NEBL: variants seen among roughly 807,000 people sequenced by gnomAD.
The protein encoded by NEBL is nebulette.
A neutral mutation model predicts 140.2 loss-of-function variants in NEBL; 122 were observed. The ratio of observed to expected loss-of-function variants is 0.87; its 90% CI spans 0.75 to 1.01. The LOEUF (loss-of-function observed/expected upper bound fraction) is 1.01, where lower values mean the gene tolerates loss of function less well. Among genes scored for constraint, NEBL ranks in the 50% least tolerant of loss-of-function variants. The pLI is 0.00. For missense variants in NEBL, 1,365 were observed against 1,231.3 expected (o/e 1.11, Z -1.62); for synonymous variants, 436 against 398.9 (o/e 1.09, Z -1.11).
intron 4 of NEBL, among the ~76,000 whole-genome samples, chr10:20,917,430 A>C (rs1833358982): frequency 6.6e-6 from 1 of 152,234 alleles, no homozygotes; most frequent in African/African-American, 2.4e-5. Flanking sequence ...CAACAGAAGC[A>C]AAGGGTAGAA....
intron 19 of NEBL, among the ~76,000 whole-genome samples, chr10:20,820,846 A>G (rs1839237231): frequency 6.6e-6 from 1 of 152,128 alleles, no homozygotes; most frequent in East Asian, 1.9e-4. Flanking sequence ...CAAAAATAAA[A>G]AAGAAAGAAA....
chr10:20,797,935 G>A (rs914060613), intron 26 of NEBL, among the ~76,000 whole-genome samples: 10 of 151,624 alleles, frequency 6.6e-5, no homozygotes, highest in East Asian at 5.8e-4. Flanking sequence ...AACCATCTCC[G>A]CAAAAAAACA....
chr10:21,030,487 G>A, intron 2 of NEBL: 1 of 781,722 alleles, frequency 1.3e-6, no homozygotes, highest in South Asian at 1.3e-5. Flanking sequence ...AAAAGGTAAT[G>A]CCAGCCCCTC....
chr10:21,142,675 C>T lies in NEBL; in HGVS notation c.164+29708G>A, dbSNP rs72796582. On this transcript the variant is annotated intron_variant, in intron 2 of 6. Transcript: ENST00000417816. ...ATAGACTATATCAGGGGCCCCCAAC[C>T]CCCAGGGCGGCAGACGGTATGGCGA... is the stretch of plus-strand genomic sequence containing the variant. Among the ~76,000 whole-genome samples, 627 of 152,244 alleles carry T rather than the reference C, an allele frequency of 4.1e-3. 2 individuals carry two copies. Among genetic ancestry groups the T allele is most frequent in the Non-Finnish European group, 7.1e-3 (481 of 68,020 alleles).
intron 14 of NEBL, among the ~76,000 whole-genome samples, chr10:20,832,348 AT>A (rs1230800344): frequency 1.3e-5 from 2 of 152,156 alleles, no homozygotes; most frequent in Non-Finnish European, 2.9e-5. Context: ...ACTATATCTC[AT>A]TATTTGAGTC....
Position 20,998,871 on chromosome 10 carries a change from C to T in NEBL, c.249+21246G>A, listed in dbSNP as rs573330862. ...GACTAACTTCTGTCAGTCTGATATA[C>T]GGATCATGAGGACTGTGAGATGACA... On this transcript the variant is annotated intron_variant, in intron 3 of 6. Transcript: ENST00000417816. 7.2e-5 allele frequency among the ~76,000 whole-genome samples: 11 copies of T among 152,166 alleles called. No individual in the cohort carries two copies. The South Asian group carries it at 1.9e-3, about 26-fold the overall frequency.
At chr10:20,937,758 G>A (rs556043904) in intron 4 of NEBL, among the ~76,000 whole-genome samples, 14 of 152,150 alleles carry the variant, frequency 9.2e-5, no homozygotes, top group Admixed American at 2.0e-4. Flanking sequence ...GCACTTTTCC[G>A]ACGGTTTTAG....
intron 3 of NEBL, among the ~76,000 whole-genome samples, chr10:20,985,963 C>T (rs111556747): frequency 1.6e-4 from 24 of 152,132 alleles, no homozygotes; most frequent in Non-Finnish European, 1.5e-4. Context: ...AGTTTAAAAA[C>T]ATATCCCTTT....
At chr10:21,152,788 T>C (rs1840193910) in intron 2 of NEBL, among the ~76,000 whole-genome samples, 1 of 152,236 alleles carries the variant, frequency 6.6e-6, no homozygotes, top group African/African-American at 2.4e-5. Flanking sequence ...TGAGTCAAGC[T>C]GTAGTCCAGA....
chr10:21,100,463 C>A (rs1309134765), intron 2 of NEBL, among the ~76,000 whole-genome samples: 1 of 152,170 alleles, frequency 6.6e-6, no homozygotes, highest in African/African-American at 2.4e-5. Flanking sequence ...CACTTTTGCA[C>A]CCTGTGTAAA....
At position 21,173,789 on chromosome 10, in the gene NEBL, G is replaced by C. The variant is rs769111338; in HGVS notation, c.45C>G (p.Thr15=). The C allele has an allele frequency of 1.2e-6, 2 of 1,612,980 alleles. No homozygotes were observed. Among genetic ancestry groups the C allele is most frequent in the East Asian group, 2.2e-5 (1 of 44,802 alleles). ...CCTTATCCAGGCAGTTGACTTTCTC[G>C]GTGGGATACACGACTTTTCCGCAAC... is the stretch of plus-strand genomic sequence containing the variant. The change falls in exon 1 of 7, where the codon ACC becomes ACG. Residue 15 remains threonine (T), a synonymous_variant. Transcript: ENST00000417816. The surrounding 1 kb of genome is among the most constrained non-coding windows in gnomAD (Gnocchi z 5.7).
intron 4 of NEBL, among the ~76,000 whole-genome samples, chr10:20,933,051 C>T (rs754663501): frequency 6.6e-6 from 1 of 151,574 alleles, no homozygotes; most frequent in African/African-American, 2.4e-5. Flanking sequence ...AATGCATGCA[C>T]AAGTTTGCAT....
At chr10:21,209,625 C>A (rs971152960) in intron 3 of NEBL, among the ~76,000 whole-genome samples, 2 of 151,150 alleles carry the variant, frequency 1.3e-5, no homozygotes, top group Admixed American at 1.3e-4. Flanking sequence ...TCTCCTATCT[C>A]CTGATACAAT....
chr10:21,058,001 T>C (rs1835108784), intron 2 of NEBL, among the ~76,000 whole-genome samples: 1 of 152,252 alleles, frequency 6.6e-6, no homozygotes, highest in Admixed American at 6.5e-5. Flanking sequence ...CCATCTATTT[T>C]TTCTGAGAGA....
At chr10:21,288,854 A>AT (rs369909277) in intron 1 of NEBL, among the ~76,000 whole-genome samples, 38 of 98,068 alleles carry the variant, frequency 3.9e-4, no homozygotes, top group African/African-American at 9.7e-4. Context: ...ATATATAAAA[A>AT]TTTTTTTTTT....
rs151326593 is a variant in NEBL, at chr10:20,801,929, C to T, written c.2761+6581G>A. Reference sequence around the variant, plus strand: ...CAGTTAAGGTAGGGCTAGGCCATCCCCATAAGACTCTCTCACAGCAAAATG... The same window carrying T: ...CAGTTAAGGTAGGGCTAGGCCATCCTCATAAGACTCTCTCACAGCAAAATG... On this transcript the variant is annotated intron_variant, in intron 26 of 27. Transcript: ENST00000377122. Among the ~76,000 whole-genome samples the T allele has an allele frequency of 7.2e-3, 1,089 of 152,206 alleles. 13 individuals are homozygous for T. The highest frequency in any genetic ancestry group is 0.025 in the African/African-American group (1,036 of 41,518).
chr10:21,254,738 G>T (rs561242377), intron 1 of NEBL, among the ~76,000 whole-genome samples: 1 of 152,232 alleles, frequency 6.6e-6, no homozygotes, highest in Non-Finnish European at 1.5e-5. Context: ...AATAGGTGAA[G>T]AGGAAGATTT....
intron 3 of NEBL, among the ~76,000 whole-genome samples, chr10:20,965,259 A>G (rs1836251709): frequency 6.6e-6 from 1 of 152,172 alleles, no homozygotes; most frequent in Non-Finnish European, 1.5e-5. Context: ...AACACACAAG[A>G]TCTATGTAGG....
At chr10:20,936,249 C>T (rs1033077133) in intron 4 of NEBL, among the ~76,000 whole-genome samples, 2 of 152,092 alleles carry the variant, frequency 1.3e-5, no homozygotes, top group African/African-American at 2.4e-5. Context: ...TTCCATTTTA[C>T]AGATGTGGAA....
Sources: allele counts gnomAD v4.1 joint callset (sites outside exome capture counted in the v4.1 genomes callset), GRCh38; gene constraint gnomAD v4.1.1; non-coding constraint Gnocchi (gnomAD v3.1); transcripts MANE v1.5; gene names NCBI Gene and HGNC (gene_info 2026-07-23, HGNC 2026-07-21).